Variants in COL5A1 observed in about 807,000 individuals in gnomAD.
The protein encoded by COL5A1 is collagen alpha-1(V) chain.
COL5A1 carries 16 observed loss-of-function variants against 263.7 expected under a neutral mutation model. The observed-to-expected ratio is 0.06, with a 90% CI of 0.04 to 0.09. COL5A1 has a LOEUF of 0.09. Ranked by LOEUF, COL5A1 falls within the 10% of genes least tolerant of loss-of-function variation. COL5A1 has a pLI of 1.00. For synonymous variants in COL5A1, 1,012 were observed against 1,004.5 expected (o/e 1.01, Z -0.14); for missense variants, 2,036 against 2,540.5 (o/e 0.80, Z 4.27).
At chr9:134,809,106 C>G in intron 42 of COL5A1, 77 bp from the exon 43 acceptor site, 2 of 1,250,774 alleles carry the variant, frequency 1.6e-6, no homozygotes, top group South Asian at 1.3e-5. Context: ...GCGGATCCCT[C>G]TCTTGGGTAA....
chr9:134,673,794 A>G (rs901496982), intron 1 of COL5A1, among the ~76,000 whole-genome samples: 2 of 152,254 alleles, frequency 1.3e-5, no homozygotes, highest in African/African-American at 4.8e-5. Context: ...AGATTGGAAG[A>G]AAATGTTTAT....
chr9:134,758,200 G>A lies in COL5A1; in HGVS notation c.1882-43G>A. ...GGACACCAAGGCGGGGTGTCCACGT[G>A]TGCAGGGTGGCGTCTGAGGCAGCCT... On this transcript the variant is annotated intron_variant, in intron 17 of 65. Coordinates refer to ENST00000371817, the MANE Select transcript of COL5A1 (RefSeq NM_000093.5). The surrounding 1 kb of genome is among the most constrained non-coding windows in gnomAD (Gnocchi z 4.1). The A allele has an allele frequency of 1.9e-6, 3 of 1,611,228 alleles. No individual in the cohort carries two copies. Among genetic ancestry groups the A allele is most frequent in the Non-Finnish European group, 2.5e-6 (3 of 1,177,694 alleles).
chr9:134,721,777 C>T (rs1320333398), intron 4 of COL5A1, among the ~76,000 whole-genome samples: 5 of 152,246 alleles, frequency 3.3e-5, no homozygotes, highest in Admixed American at 6.5e-5. Context: ...GGGAGGCATC[C>T]GCTCTGTCTT....
At chr9:134,829,558 C>T (rs1372132853) in intron 63 of COL5A1, among the ~76,000 whole-genome samples, 2 of 148,272 alleles carry the variant, frequency 1.3e-5, no homozygotes. Context: ...CCGGTCTCCC[C>T]GAGGGCCCAG....
At chr9:134,747,652 T>C (rs1389574279) in intron 11 of COL5A1, among the ~76,000 whole-genome samples, 6 of 140,544 alleles carry the variant, frequency 4.3e-5, no homozygotes, top group Non-Finnish European at 6.1e-5. Flanking sequence ...TTCATACACA[T>C]GCAGACACAT....
chr9:134,653,650 A>G (rs2132477331), intron 1 of COL5A1, among the ~76,000 whole-genome samples: 1 of 152,284 alleles, frequency 6.6e-6, no homozygotes, highest in East Asian at 1.9e-4. Flanking sequence ...AGGGATCTGT[A>G]GGACTGCAGG....
intron 1 of COL5A1, among the ~76,000 whole-genome samples, chr9:134,673,941 G>C (rs145282735): frequency 1.3e-5 from 2 of 152,164 alleles, no homozygotes; most frequent in Admixed American, 6.5e-5. Flanking sequence ...AGACAGAGGC[G>C]TGCCAACATG....
At chr9:134,729,202 C>T (rs935773098) in intron 6 of COL5A1, among the ~76,000 whole-genome samples, 5 of 152,286 alleles carry the variant, frequency 3.3e-5, no homozygotes, top group East Asian at 1.9e-4. Context: ...CGGGGGGTGA[C>T]GCAGTCTGAG....
At chr9:134,735,571 C>T (rs980297517) in intron 9 of COL5A1, among the ~76,000 whole-genome samples, 3 of 152,190 alleles carry the variant, frequency 2.0e-5, no homozygotes, top group East Asian at 1.9e-4. Flanking sequence ...TTCCTTCAGA[C>T]GCTGACCTGG....
intron 18 of COL5A1, among the ~76,000 whole-genome samples, chr9:134,761,430 T>C (rs1836438561): frequency 6.6e-6 from 1 of 152,226 alleles, no homozygotes; most frequent in Non-Finnish European, 1.5e-5. Flanking sequence ...TACATGTATG[T>C]TCTCCAACAA....
At chr9:134,731,347 CG>C in intron 7 of COL5A1, 148 bp from the exon 8 acceptor site, 1 of 811,440 alleles carries the variant, frequency 1.2e-6, no homozygotes, top group Non-Finnish European at 2.0e-6. Context: ...CCCAGTTGAC[CG>C]GGTAGCCATG....
chr9:134,714,005 C>T (rs1308542096), intron 4 of COL5A1, among the ~76,000 whole-genome samples: 1 of 152,238 alleles, frequency 6.6e-6, no homozygotes, highest in African/African-American at 2.4e-5. Context: ...TGACGCTCTC[C>T]TTGACCTCCC....
chr9:134,792,125 G>A (rs969135709), intron 32 of COL5A1, among the ~76,000 whole-genome samples: 5 of 152,260 alleles, frequency 3.3e-5, no homozygotes, highest in African/African-American at 7.2e-5. Flanking sequence ...GCACAGGGCC[G>A]AGCCCGGCAA....
rs145127492 is a variant in COL5A1 at position 134,754,505 on chromosome 9, G to A, written c.1827+179G>A. Among the ~76,000 whole-genome samples the A allele has an allele frequency of 5.3e-5, 8 of 152,358 alleles. No homozygotes were observed. In the East Asian group the frequency reaches 1.2e-3, roughly 22 times the overall value. ...TCTGAGCCAGCTGCCTGGGAGGGGC[G>A]CTCTGTGTCCTGGGCGCAGACACAG... On this transcript the variant is annotated intron_variant, in intron 16 of 65. Transcript: ENST00000371817. This position sits in a 1 kb window ranked among gnomAD's most constrained non-coding sequence, Gnocchi z 4.3.
intron 27 of COL5A1, 116 bp from the exon 28 acceptor site, chr9:134,779,986 C>T (rs1837191196): frequency 7.9e-6 from 9 of 1,136,240 alleles, no homozygotes; most frequent in East Asian, 7.0e-5. Flanking sequence ...GAGGGCAGGG[C>T]GCTGGCCTCA....
chr9:134,782,152 C>A (rs766467330), intron 28 of COL5A1, among the ~76,000 whole-genome samples: 1 of 152,180 alleles, frequency 6.6e-6, no homozygotes, highest in Non-Finnish European at 1.5e-5. Flanking sequence ...CAGGGGTGCG[C>A]GGGCCGCTGA....
At chr9:134,759,775 A>C (rs1836216173) in intron 18 of COL5A1, among the ~76,000 whole-genome samples, 1 of 95,248 alleles carries the variant, frequency 1.0e-5, no homozygotes, top group South Asian at 4.1e-4. Flanking sequence ...GCACCCCCAC[A>C]CTCATACACA....
chr9:134,653,278 T>A (rs2132476595), intron 1 of COL5A1: 2 of 153,090 alleles, frequency 1.3e-5, no homozygotes, highest in African/African-American at 4.8e-5. Flanking sequence ...AGAGAAGGGG[T>A]TTCCCATGGG....
chr9:134,749,864 A>T (rs746248480), intron 11 of COL5A1, among the ~76,000 whole-genome samples: 1 of 152,240 alleles, frequency 6.6e-6, no homozygotes, highest in Non-Finnish European at 1.5e-5. Flanking sequence ...CTGGTTTTAC[A>T]TGCGTATAGT....
Sources: allele counts gnomAD v4.1 joint callset (sites outside exome capture counted in the v4.1 genomes callset), GRCh38; gene constraint gnomAD v4.1.1; non-coding constraint Gnocchi (gnomAD v3.1); transcripts MANE v1.5; gene names NCBI Gene and HGNC (gene_info 2026-07-23, HGNC 2026-07-21).